The following ANKS1A variants were observed in gnomAD, a reference collection of about 807,000 sequenced individuals.
ANKS1A encodes the protein ankyrin repeat and sterile alpha motif domain containing 1A, also known as ankyrin repeat and SAM domain-containing protein 1A.
Under a neutral mutation model 120.3 loss-of-function variants are expected in ANKS1A, and 55 were observed. That is an observed-to-expected ratio of 0.46 (90% CI 0.37 to 0.57). The LOEUF (loss-of-function observed/expected upper bound fraction) is 0.57. Ranked by LOEUF, ANKS1A falls within the 20% of genes least tolerant of loss-of-function variation. The pLI, the probability that ANKS1A is intolerant of heterozygous loss-of-function variation, is 0.00. For synonymous variants in ANKS1A, 590 were observed against 604.7 expected, an observed-to-expected ratio of 0.98 and a Z score of 0.36; for missense variants, 1,123 against 1,480.3, an observed-to-expected ratio of 0.76 and a Z score of 3.96.
At chr6:34,956,972 T>C (rs1044362523) in intron 1 of ANKS1A, among the ~76,000 whole-genome samples, 13 of 152,324 alleles carry the variant, frequency 8.5e-5, no homozygotes, top group Non-Finnish European at 1.2e-4. Context: ...CCTGGCCTCC[T>C]CTGCCACCTG....
At chr6:34,972,383 G>T (rs1158582111) in intron 3 of ANKS1A, among the ~76,000 whole-genome samples, 1 of 152,048 alleles carries the variant, frequency 6.6e-6, no homozygotes, top group East Asian at 1.9e-4. Context: ...CCATTAATAT[G>T]GTTCCAGTAG....
rs965338510 is a variant in ANKS1A at position 35,044,116 on chromosome 6, C to A, written c.2011-9983C>A. Among the ~76,000 whole-genome samples the A allele has an allele frequency of 6.6e-6, 1 of 152,028 alleles. No individual in the cohort carries two copies. Among genetic ancestry groups the A allele is most frequent in the East Asian group, 1.9e-4 (1 of 5,200 alleles). ...CATCCTAAGCAGTTTTGGAAATGAC[C>A]CCAGCTGACTCTTGGTAAGGGTAAC... On this transcript the variant is annotated intron_variant, in intron 11 of 23. Transcript: ENST00000360359. The surrounding 1 kb of genome is among the most constrained non-coding windows in gnomAD (Gnocchi z 4.4).
chr6:34,903,018 CT>C (rs958074309), intron 1 of ANKS1A, among the ~76,000 whole-genome samples: 58 of 152,226 alleles, frequency 3.8e-4, no homozygotes, highest in African/African-American at 1.4e-3. Context: ...AGACCTGATT[CT>C]TTTGGGTGAA....
intron 9 of ANKS1A, among the ~76,000 whole-genome samples, chr6:34,991,011 CT>C (rs1396730250): frequency 1.3e-5 from 2 of 152,062 alleles, no homozygotes; most frequent in Non-Finnish European, 1.5e-5. Flanking sequence ...ATTTTTTGGA[CT>C]TTGTTGTCTT....
At position 35,090,388 on chromosome 6, in the gene ANKS1A, G is replaced by A. The variant is rs1011209800; in HGVS notation, c.*1779G>A. 3 of 1,228,782 alleles carry A rather than the reference G, an allele frequency of 2.4e-6. No homozygotes were observed. The highest frequency in any genetic ancestry group is 3.1e-6 in the Non-Finnish European group (3 of 959,484). 76.1% of individuals were successfully genotyped at this position (1,228,782 alleles called of 1,614,324 possible). On this transcript the variant is annotated 3_prime_UTR_variant, in exon 24 of 24. Coordinates refer to ENST00000360359, the MANE Select transcript of ANKS1A (RefSeq NM_015245.3). Reference sequence around the variant, plus strand: ...CTAAGGGGCCAGGCCACATCCAAGTGGGCCTCTGTCGGGGGCGGGGCGGTA... The same window carrying A: ...CTAAGGGGCCAGGCCACATCCAAGTAGGCCTCTGTCGGGGGCGGGGCGGTA...
chr6:34,941,405 G>C (rs1365706926), intron 1 of ANKS1A, among the ~76,000 whole-genome samples: 2 of 151,296 alleles, frequency 1.3e-5, no homozygotes, highest in African/African-American at 4.9e-5. Flanking sequence ...TTCCTCTGCT[G>C]TGTCTCTAAC....
At position 34,987,774 on chromosome 6, in the gene ANKS1A, A is replaced by G. The variant is rs150271311; in HGVS notation, c.1210-1450A>G. Among the ~76,000 whole-genome samples, 155 of 152,360 alleles carry G rather than the reference A, an allele frequency of 1.0e-3. 2 individuals are homozygous for G. In the East Asian group the frequency reaches 0.026, roughly 26 times the overall value. Reference sequence around the variant, plus strand: ...CCTAAAACATGAGAAACATCTTTCCATGCAGATTTTGCTTGAGCTCTCGCG... The same window carrying G: ...CCTAAAACATGAGAAACATCTTTCCGTGCAGATTTTGCTTGAGCTCTCGCG... On this transcript the variant is annotated intron_variant, in intron 8 of 23. Transcript: ENST00000360359.
Position 35,086,935 on chromosome 6 carries a change from G to A in ANKS1A, c.3304-17G>A. 1 of 1,613,546 alleles carries A rather than the reference G, an allele frequency of 6.2e-7. No individual in the cohort carries two copies. The highest frequency in any genetic ancestry group is 8.5e-7 in the Non-Finnish European group (1 of 1,179,482). On this transcript the variant is annotated splice_polypyrimidine_tract_variant and intron_variant, in intron 22 of 23. Transcript: ENST00000360359. The surrounding 1 kb of genome is among the most constrained non-coding windows in gnomAD (Gnocchi z 5.1). ...ACAGAGCTCCCTCTGACTCTTGACT[G>A]CTTCCTTGTTTGGCAGCTGGAACCA...
chr6:35,064,618 C>G (rs1776674347), intron 13 of ANKS1A, among the ~76,000 whole-genome samples: 1 of 152,228 alleles, frequency 6.6e-6, no homozygotes, highest in South Asian at 2.1e-4. Flanking sequence ...GCTCCTCACT[C>G]TCCAGCCCTC....
chr6:35,080,678 CCTGA>C (rs1401648544), intron 16 of ANKS1A, among the ~76,000 whole-genome samples: 4 of 152,184 alleles, frequency 2.6e-5, no homozygotes, highest in Admixed American at 6.5e-5. Context: ...GCTTTAGGGC[CCTGA>C]CTGACAGGGC....
At chr6:35,070,830 G>T in intron 13 of ANKS1A, 16 of 484,630 alleles carry the variant, frequency 3.3e-5, no homozygotes, top group Admixed American at 1.7e-4. Context: ...TTTTCTTTGT[G>T]TGTGTGTGTG....
chr6:35,023,492 G>A (rs1017938998), intron 11 of ANKS1A: 2 of 255,360 alleles, frequency 7.8e-6, no homozygotes, highest in Non-Finnish European at 1.7e-5. Flanking sequence ...CATTTAACTG[G>A]AAGCACCAGA....
chr6:35,024,186 C>T (rs1381152249), intron 11 of ANKS1A, among the ~76,000 whole-genome samples: 1 of 152,194 alleles, frequency 6.6e-6, no homozygotes, highest in African/African-American at 2.4e-5. Context: ...GGCAGAGTCT[C>T]CTTTTGGTAT....
In ANKS1A at chr6:35,074,105, C is replaced by T. The variant is rs183982578; in HGVS notation, c.2185-4453C>T. Among the ~76,000 whole-genome samples, 12 of 152,392 alleles carry T rather than the reference C, an allele frequency of 7.9e-5. No individual in the cohort carries two copies. In the East Asian group the frequency reaches 1.5e-3, roughly 20 times the overall value. On this transcript the variant is annotated intron_variant, in intron 13 of 23. Transcript: ENST00000360359. ...GTCTGGTTAGCAAAGGGCCTGTCTC[C>T]GGCGGATCTGGCTTTCCTCGCTGTC...
chr6:34,940,068 T>A (rs987049742), intron 1 of ANKS1A, among the ~76,000 whole-genome samples: 1 of 152,228 alleles, frequency 6.6e-6, no homozygotes, highest in African/African-American at 2.4e-5. Context: ...GACTGTTCAC[T>A]TGTCTTTCAG....
chr6:34,973,665 A>G (rs1771295017), intron 3 of ANKS1A, among the ~76,000 whole-genome samples: 1 of 152,234 alleles, frequency 6.6e-6, no homozygotes, highest in Non-Finnish European at 1.5e-5. Flanking sequence ...CAGATATTTC[A>G]TGCTTTTGAG....
intron 11 of ANKS1A, among the ~76,000 whole-genome samples, chr6:35,051,247 G>A (rs1207914186): frequency 6.6e-6 from 1 of 152,100 alleles, no homozygotes; most frequent in African/African-American, 2.4e-5. Context: ...GCCTATGTCA[G>A]TTGACTAGTG....
intron 10 of ANKS1A, among the ~76,000 whole-genome samples, chr6:35,006,495 C>T (rs1024959645): frequency 7.9e-5 from 12 of 152,268 alleles, no homozygotes; most frequent in Non-Finnish European, 1.2e-4. Flanking sequence ...TGGCTCACGC[C>T]TGTAATCCCA....
At position 35,079,887 on chromosome 6, in the gene ANKS1A, G is replaced by A. The variant is rs1777577551; in HGVS notation, c.2503G>A (p.Glu835Lys). 4 of 1,562,228 alleles carry A rather than the reference G, an allele frequency of 2.6e-6. No homozygotes were observed. Among genetic ancestry groups the A allele is most frequent in the Non-Finnish European group, 2.6e-6 (3 of 1,153,082 alleles). ...CGCCTCCCTCGCAGACAGACCGTAC[G>A]AGGAGCCGCCCCAGAAGCCCCCCAG... Reference protein sequence around the residue: ...IIASLADRPYEEPPQKPPRFS... With the variant: ...IIASLADRPYKEPPQKPPRFS... Residue 835 changes from glutamate to lysine, a missense_variant, in exon 16 of 24, where the codon GAG (glutamate) becomes AAG (lysine). Transcript: ENST00000360359.
Sources: allele counts gnomAD v4.1 joint callset (sites outside exome capture counted in the v4.1 genomes callset), GRCh38; gene constraint gnomAD v4.1.1; non-coding constraint Gnocchi (gnomAD v3.1); transcripts MANE v1.5; gene names NCBI Gene and HGNC (gene_info 2026-07-23, HGNC 2026-07-21).